The following C15orf61 variants were observed in gnomAD, a reference collection of about 807,000 sequenced individuals.
C15orf61 encodes chromosome 15 open reading frame 61.
Under a neutral mutation model 13.7 loss-of-function variants are expected in C15orf61, and 12 were observed. That is an observed-to-expected ratio of 0.88 (90% CI 0.56 to 1.42). The LOEUF (loss-of-function observed/expected upper bound fraction) is 1.42, where lower values mean the gene tolerates loss of function less well. Ranked by LOEUF, C15orf61 falls within the 40% of genes most tolerant of loss-of-function variation. The pLI is 0.00. For missense variants in C15orf61, 248 were observed against 213.2 expected, an observed-to-expected ratio of 1.16 and a Z score of -1.02; for synonymous variants, 92 against 94.1, an observed-to-expected ratio of 0.98 and a Z score of 0.13.
In C15orf61 at chr15:67,521,579, A is replaced by G. The variant is rs1388054415; in HGVS notation, c.331A>G (p.Lys111Glu). 6.5e-7 allele frequency: 1 copy of G among 1,532,936 alleles called. No individual in the cohort carries two copies. Among genetic ancestry groups the G allele is most frequent in the Non-Finnish European group, 8.8e-7 (1 of 1,135,512 alleles). The allele number at this position is 1,532,936 out of a possible 1,614,324, so 95.0% of individuals were successfully genotyped here. ...ARQNRFFTAL[K>E]VVNLGIPTLL... Reference sequence around the variant, plus strand: ...GCAGAACCGCTTCTTCACGGCGCTCAAGGTCGTCAACCTCGGTGAGTGGCG... The same window carrying G: ...GCAGAACCGCTTCTTCACGGCGCTCGAGGTCGTCAACCTCGGTGAGTGGCG... Residue 111 changes from lysine (K) to glutamate (E), a missense_variant, in exon 1 of 2, where the codon AAG becomes GAG. Lys to Glu is a moderately conservative substitution (Grantham distance 56, BLOSUM62 1). Transcript: ENST00000342683.
rs1363478324 is a variant in C15orf61 at position 67,521,184 on chromosome 15, G to A, written c.-65G>A. ...GCGCCGGTTGGCCTTCCCGGCGCTC[G>A]CCCGGGGGCGCGCTTGCGCGCCAGC... On this transcript the variant is annotated 5_prime_UTR_variant, in exon 1 of 2. Transcript: ENST00000342683. The A allele has an allele frequency of 5.4e-6, 6 of 1,105,796 alleles. No homozygotes were observed. Among genetic ancestry groups the A allele is most frequent in the Non-Finnish European group, 5.6e-6 (5 of 887,016 alleles). 68.5% of individuals were successfully genotyped at this position (1,105,796 alleles called of 1,614,324 possible).
Position 67,528,014 on chromosome 15 carries a change from T to G in C15orf61, c.*1469T>G, listed in dbSNP as rs2084207878. ...TTTTGCAGGGAAGGCTAGAACTGATTTCCTCTGTAATGGGCAAAGTTAAAT... is the reference window on the plus strand; with the variant it reads ...TTTTGCAGGGAAGGCTAGAACTGATGTCCTCTGTAATGGGCAAAGTTAAAT... On this transcript the variant is annotated 3_prime_UTR_variant, in exon 2 of 2. Coordinates refer to ENST00000342683, the MANE Select transcript of C15orf61 (RefSeq NM_001143936.2). 1.3e-5 allele frequency: 2 copies of G among 152,216 alleles called. No homozygotes were observed. The highest frequency in any genetic ancestry group is 4.8e-5 in the African/African-American group (2 of 41,454). The allele number at this position is 152,216 out of a possible 1,614,324, so 9.4% of individuals were successfully genotyped here.
chr15:67,521,916 G>GC (rs1387381484), intron 1 of C15orf61: 3 of 671,786 alleles, frequency 4.5e-6, no homozygotes, highest in Admixed American at 4.5e-5. Context: ...GTCAGGAAAC[G>GC]CCCCCTAGAA....
At chr15:67,521,756 C>T (rs1184377589) in intron 1 of C15orf61, 162 bp downstream of exon 1, 3 of 761,794 alleles carry the variant, frequency 3.9e-6, no homozygotes, top group East Asian at 5.4e-5. Flanking sequence ...ACTCCTCGCC[C>T]AGGGGGTCCC....
chr15:67,525,661 G>A lies in C15orf61; in HGVS notation c.347-757G>A, dbSNP rs1033153857. ...AGATTTTAAAGACAGCTCTTTGACC[G>A]AGCTTCTTTTAAGTTGTACAAAAAT... On this transcript the variant is annotated intron_variant, in intron 1 of 1. Transcript: ENST00000342683. The surrounding 1 kb of genome is among the most constrained non-coding windows in gnomAD (Gnocchi z 4.9). 5.3e-5 allele frequency among the ~76,000 whole-genome samples: 8 copies of A among 152,092 alleles called. No individual in the cohort carries two copies. The South Asian group carries it at 8.3e-4, about 16-fold the overall frequency.
At chr15:67,521,960 T>G (rs1291180373) in intron 1 of C15orf61, 2 of 691,452 alleles carry the variant, frequency 2.9e-6, no homozygotes, top group Admixed American at 4.0e-5. Flanking sequence ...TCCTACTGCA[T>G]GGCAGGACTC....
rs1050696212 is a variant in C15orf61 at position 67,529,884 on chromosome 15, G to A, written c.*3339G>A. On this transcript the variant is annotated 3_prime_UTR_variant, in exon 2 of 2. Coordinates refer to ENST00000342683, the MANE Select transcript of C15orf61 (RefSeq NM_001143936.2). This position sits in a 1 kb window ranked among gnomAD's most constrained non-coding sequence, Gnocchi z 4.4. ...TTTGAATAAGTGGGATGACATAAAAGGCAAAGATCTTGGTTTCACTGCACT... is the reference window on the plus strand; with the variant it reads ...TTTGAATAAGTGGGATGACATAAAAAGCAAAGATCTTGGTTTCACTGCACT... 7 of 152,170 alleles carry A rather than the reference G, an allele frequency of 4.6e-5. No individual in the cohort carries two copies. The highest frequency in any genetic ancestry group is 1.7e-4 in the African/African-American group (7 of 41,438). 9.4% of individuals were successfully genotyped at this position (152,170 alleles called of 1,614,324 possible). A position where few individuals can be genotyped will look rare whatever the true frequency, so the allele number is the denominator to read the frequency against.
Position 67,521,562 on chromosome 15 carries a change from GCTT to G in C15orf61, c.319_321del (p.Phe107del). The G allele has an allele frequency of 6.5e-7, 1 of 1,540,264 alleles. No homozygotes were observed. The highest frequency in any genetic ancestry group is 8.8e-7 in the Non-Finnish European group (1 of 1,140,986). On this transcript the variant is annotated inframe_deletion, in exon 1 of 2. Coordinates refer to ENST00000342683, the MANE Select transcript of C15orf61 (RefSeq NM_001143936.2). ...TGGCAGGACCTGGCCCGGCAGAACC[GCTT>G]CTTCACGGCGCTCAAGGTCGTCAAC...
chr15:67,521,909 AG>A, intron 1 of C15orf61: 1 of 666,652 alleles, frequency 1.5e-6, no homozygotes, highest in Non-Finnish European at 2.7e-6. Context: ...AGGGGGCGTC[AG>A]GAAACGCCCC....
In C15orf61 at chr15:67,526,452, GT is replaced by G; in HGVS notation, c.383del (p.Leu128TyrfsTer16). 1 of 1,537,256 alleles carries G rather than the reference GT, an allele frequency of 6.5e-7. No homozygotes were observed. Among genetic ancestry groups the G allele is most frequent in the Non-Finnish European group, 8.8e-7 (1 of 1,134,402 alleles). Reference protein sequence around the residue: ...PTLLYGLGSWLFARVTETVHT... With the variant: ...PTLLYGLGSWXFARVTETVHT... ...CTTTATTATATGGACTTGGCTCCTG[GT>G]TATTTGCCAGAGTCACAGAGACTGT... On this transcript the variant is annotated frameshift_variant, in exon 2 of 2. Coordinates refer to ENST00000342683, the MANE Select transcript of C15orf61 (RefSeq NM_001143936.2). LOFTEE classifies it high-confidence loss of function.
intron 1 of C15orf61, 104 bp downstream of exon 1, chr15:67,521,698 G>A (rs2084164633): frequency 2.5e-6 from 3 of 1,184,048 alleles, no homozygotes; most frequent in Non-Finnish European, 3.5e-6. Flanking sequence ...AGAGTCCCGC[G>A]GGAGTCAGCT....
At chr15:67,524,130 G>T (rs527522829) in intron 1 of C15orf61, among the ~76,000 whole-genome samples, 5 of 152,024 alleles carry the variant, frequency 3.3e-5, no homozygotes, top group Non-Finnish European at 5.9e-5. Flanking sequence ...GTGTCACCAG[G>T]TATTCCTTAA....
At chr15:67,523,995 C>G (rs2084184820) in intron 1 of C15orf61, among the ~76,000 whole-genome samples, 2 of 151,838 alleles carry the variant, frequency 1.3e-5, no homozygotes, top group Non-Finnish European at 2.9e-5. Flanking sequence ...TTTGATCAGC[C>G]CTTGATTTTA....
At position 67,528,126 on chromosome 15, in the gene C15orf61, C is replaced by G. The variant is rs943011465; in HGVS notation, c.*1581C>G. The G allele has an allele frequency of 4.6e-5, 7 of 152,238 alleles. No individual in the cohort carries two copies. The highest frequency in any genetic ancestry group is 1.4e-4 in the African/African-American group (6 of 41,452). The allele number at this position is 152,238 out of a possible 1,614,324, so 9.4% of individuals were successfully genotyped here. A position where few individuals can be genotyped will look rare whatever the true frequency, so the allele number is the denominator to read the frequency against. On this transcript the variant is annotated 3_prime_UTR_variant, in exon 2 of 2. Coordinates refer to ENST00000342683, the MANE Select transcript of C15orf61 (RefSeq NM_001143936.2). ...AGTGGCTGTAAAGGTTTGGTCCCAA[C>G]ACAAGGCTGATAAAATGGTCTTTAA...
In C15orf61 at chr15:67,522,086, A is replaced by C. The variant is rs1314618105; in HGVS notation, c.346+492A>C. 9 of 701,608 alleles carry C rather than the reference A, an allele frequency of 1.3e-5. 1 individual carries two copies. In the Admixed American group the frequency reaches 1.8e-4, roughly 14 times the overall value. 43.5% of individuals were successfully genotyped at this position (701,608 alleles called of 1,614,324 possible). On this transcript the variant is annotated intron_variant, in intron 1 of 1. Coordinates refer to ENST00000342683, the MANE Select transcript of C15orf61 (RefSeq NM_001143936.2). ...CCGGCAAGTTCGTTTTACTAAAAGC[A>C]CCAAAGGTTTTCACCAGACATAACA...
rs2589989 is a variant in C15orf61 at position 67,524,325 on chromosome 15, C to T, written c.347-2093C>T. Among the ~76,000 whole-genome samples, 1,141 of 151,990 alleles carry T rather than the reference C, an allele frequency of 7.5e-3. 12 individuals are homozygous for T. The highest frequency in any genetic ancestry group is 0.024 in the African/African-American group (1,007 of 41,450). On this transcript the variant is annotated intron_variant, in intron 1 of 1. Coordinates refer to ENST00000342683, the MANE Select transcript of C15orf61 (RefSeq NM_001143936.2). ...TATTTCAACTACTCCCTATACTTCACTCTCATTTCTGCCTAGCTTGTTCAT... is the reference window on the plus strand; with the variant it reads ...TATTTCAACTACTCCCTATACTTCATTCTCATTTCTGCCTAGCTTGTTCAT...
At chr15:67,521,737 G>A in intron 1 of C15orf61, 143 bp downstream of exon 1, 1 of 895,362 alleles carries the variant, frequency 1.1e-6, no homozygotes, top group Non-Finnish European at 1.6e-6. Context: ...TTCGCCTGGG[G>A]TCCTTTGTAC....
In C15orf61 at chr15:67,525,742, C is replaced by T. The variant is rs2084195122; in HGVS notation, c.347-676C>T. 1.3e-5 allele frequency among the ~76,000 whole-genome samples: 2 copies of T among 152,136 alleles called. No homozygotes were observed. Among genetic ancestry groups the T allele is most frequent in the Admixed American group, 6.5e-5 (1 of 15,280 alleles). On this transcript the variant is annotated intron_variant, in intron 1 of 1. Coordinates refer to ENST00000342683, the MANE Select transcript of C15orf61 (RefSeq NM_001143936.2). The surrounding 1 kb of genome is among the most constrained non-coding windows in gnomAD (Gnocchi z 4.9). ...AAAGAACAGTAATGTTGGCCGGGCGCGGTGGCTCACACCTGTAATCCCAGC... is the reference window on the plus strand; with the variant it reads ...AAAGAACAGTAATGTTGGCCGGGCGTGGTGGCTCACACCTGTAATCCCAGC...
In C15orf61 at chr15:67,526,655, C is replaced by A; in HGVS notation, c.*110C>A. 9.0e-7 allele frequency: 1 copy of A among 1,108,142 alleles called. No individual in the cohort carries two copies. Among genetic ancestry groups the A allele is most frequent in the Non-Finnish European group, 1.2e-6 (1 of 826,218 alleles). The allele number at this position is 1,108,142 out of a possible 1,614,324, so 68.6% of individuals were successfully genotyped here. A position where few individuals can be genotyped will look rare whatever the true frequency, so the allele number is the denominator to read the frequency against. On this transcript the variant is annotated 3_prime_UTR_variant, in exon 2 of 2. Coordinates refer to ENST00000342683, the MANE Select transcript of C15orf61 (RefSeq NM_001143936.2). Reference sequence around the variant, plus strand: ...TTTTGCAAATACTTTTTTCTTTCTACAGTATCTGCTTCTTTAAGATGAATC... The same window carrying A: ...TTTTGCAAATACTTTTTTCTTTCTAAAGTATCTGCTTCTTTAAGATGAATC...
Sources: allele counts gnomAD v4.1 joint callset (sites outside exome capture counted in the v4.1 genomes callset), GRCh38; gene constraint gnomAD v4.1.1; non-coding constraint Gnocchi (gnomAD v3.1); transcripts MANE v1.5; gene names NCBI Gene and HGNC (gene_info 2026-07-23, HGNC 2026-07-21).